The following ANO10 variants were observed in gnomAD, a reference collection of about 807,000 sequenced individuals.
ANO10 encodes the protein anoctamin-10.
In ANO10, 77 loss-of-function variants were observed where a neutral mutation model predicts 74.7. That is an observed-to-expected ratio of 1.03 (90% CI 0.86 to 1.25). ANO10 has a LOEUF of 1.25. Ranked by LOEUF, ANO10 falls within the 50% of genes most tolerant of loss-of-function variation. The probability of loss-of-function intolerance (pLI) is 0.00; values close to 1 mark genes in which losing one functional copy is unlikely to be tolerated. For synonymous variants in ANO10, 279 were observed against 284.9 expected (o/e 0.98, Z 0.21); for missense variants, 721 against 778.1 (o/e 0.93, Z 0.87).
chr3:43,576,089 C>T (rs537017622), intron 6 of ANO10, among the ~76,000 whole-genome samples: 2 of 152,326 alleles, frequency 1.3e-5, no homozygotes, highest in Admixed American at 6.5e-5. Flanking sequence ...TTTTTTACCA[C>T]AGATACATCC....
At chr3:43,683,124 A>G (rs1211889351) in intron 1 of ANO10, among the ~76,000 whole-genome samples, 1 of 152,232 alleles carries the variant, frequency 6.6e-6, no homozygotes, top group Non-Finnish European at 1.5e-5. Flanking sequence ...TCAATTAGGA[A>G]AAGAGGAAGT....
At chr3:43,470,596 T>TTTTTTTTATTTATTTA (rs1237061155) in intron 11 of ANO10, among the ~76,000 whole-genome samples, 10 of 143,962 alleles carry the variant, frequency 6.9e-5, no homozygotes, top group African/African-American at 2.3e-4. Flanking sequence ...CTGGTAATTA[T>TTTTTTTTATTTATTTA]TTTATTTATT....
chr3:43,456,748 G>A (rs1412713082), intron 11 of ANO10, among the ~76,000 whole-genome samples: 3 of 152,136 alleles, frequency 2.0e-5, no homozygotes, highest in East Asian at 1.9e-4. Context: ...ACAGATGCAG[G>A]AATTAATACA....
intron 12 of ANO10, among the ~76,000 whole-genome samples, chr3:43,375,418 A>G (rs906640739): frequency 1.3e-5 from 2 of 152,216 alleles, no homozygotes; most frequent in Non-Finnish European, 2.9e-5. Flanking sequence ...ATTGCACTCC[A>G]GCTTGGGTGA....
At chr3:43,400,679 C>T (rs957425971) in intron 12 of ANO10, among the ~76,000 whole-genome samples, 2 of 152,078 alleles carry the variant, frequency 1.3e-5, no homozygotes, top group African/African-American at 4.8e-5. Context: ...ACTTGGGAAG[C>T]TGAGGTGGGA....
chr3:43,537,614 C>T (rs1160906340), intron 11 of ANO10, among the ~76,000 whole-genome samples: 8 of 72,488 alleles, frequency 1.1e-4, no homozygotes, highest in African/African-American at 3.2e-4. Flanking sequence ...TTATAAACCA[C>T]ACACACACAC....
At chr3:43,549,073 A>G (rs1360339488) in intron 11 of ANO10, among the ~76,000 whole-genome samples, 1 of 151,098 alleles carries the variant, frequency 6.6e-6, no homozygotes, top group African/African-American at 2.4e-5. Flanking sequence ...GACTAAAAAT[A>G]CATATTAAAT....
Position 43,555,360 on chromosome 3 carries a change from T to G in ANO10, c.1586A>C (p.Glu529Ala). 1 of 1,614,190 alleles carries G rather than the reference T, an allele frequency of 6.2e-7. No individual in the cohort carries two copies. Among genetic ancestry groups the G allele is most frequent in the Non-Finnish European group, 8.5e-7 (1 of 1,180,030 alleles). Residue 529 changes from glutamate to alanine, a missense_variant, in exon 10 of 13, where the codon GAA (glutamate) becomes GCA (alanine). Transcript: ENST00000292246. ...CATTTTTAAGGCATCTGAATTTACTTCAGTGAAGTTATTTAACACAGCAAA... is the reference window on the plus strand; with the variant it reads ...CATTTTTAAGGCATCTGAATTTACTGCAGTGAAGTTATTTAACACAGCAAA... ...AAFAVLNNFT[E>A]VNSDALKMCR...
intron 7 of ANO10, among the ~76,000 whole-genome samples, chr3:43,568,660 A>C (rs1464165790): frequency 1.3e-5 from 2 of 150,542 alleles, no homozygotes; most frequent in Non-Finnish European, 2.9e-5. Context: ...ACAACATACC[A>C]GAATCTCTGG....
chr3:43,530,289 T>C (rs1317702545), intron 11 of ANO10, among the ~76,000 whole-genome samples: 2 of 151,992 alleles, frequency 1.3e-5, no homozygotes, highest in Non-Finnish European at 1.5e-5. Flanking sequence ...AGGAATACGC[T>C]ATTGAATAGA....
chr3:43,412,661 T>C (rs2092683314), intron 12 of ANO10, among the ~76,000 whole-genome samples: 1 of 152,232 alleles, frequency 6.6e-6, no homozygotes, highest in South Asian at 2.1e-4. Context: ...CTGTATTCCC[T>C]GTCTTGTTTG....
chr3:43,399,301 A>G (rs1298159482), intron 12 of ANO10, among the ~76,000 whole-genome samples: 1 of 152,218 alleles, frequency 6.6e-6, no homozygotes, highest in African/African-American at 2.4e-5. Context: ...TTAGTTGCCA[A>G]TAACGCCTTT....
intron 11 of ANO10, among the ~76,000 whole-genome samples, chr3:43,435,899 C>G (rs577310255): frequency 6.6e-6 from 1 of 152,274 alleles, no homozygotes; most frequent in African/African-American, 2.4e-5. Context: ...GGGAAGACAA[C>G]ACAGCAGAGA....
chr3:43,466,086 A>G (rs1052310624), intron 11 of ANO10, among the ~76,000 whole-genome samples: 3 of 152,110 alleles, frequency 2.0e-5, no homozygotes, highest in African/African-American at 7.2e-5. Flanking sequence ...AACAACAGTA[A>G]TTGGGCTGGG....
chr3:43,406,820 T>C (rs370577340), intron 12 of ANO10, among the ~76,000 whole-genome samples: 3 of 152,196 alleles, frequency 2.0e-5, no homozygotes, highest in African/African-American at 7.2e-5. Flanking sequence ...ACAGTGCCAG[T>C]TGATCATATG....
intron 1 of ANO10, among the ~76,000 whole-genome samples, chr3:43,631,520 A>G (rs907702838): frequency 2.0e-5 from 3 of 152,196 alleles, no homozygotes; most frequent in African/African-American, 7.2e-5. Flanking sequence ...TACTATTAGC[A>G]AAAGCCAAGT....
At chr3:43,477,943 T>C (rs1283140281) in intron 11 of ANO10, among the ~76,000 whole-genome samples, 1 of 152,204 alleles carries the variant, frequency 6.6e-6, no homozygotes, top group East Asian at 1.9e-4. Context: ...TGAGAAGTGA[T>C]TTCCCAATGG....
chr3:43,536,127 T>A (rs1362717858), intron 11 of ANO10, among the ~76,000 whole-genome samples: 4 of 152,244 alleles, frequency 2.6e-5, no homozygotes, highest in South Asian at 2.1e-4. Flanking sequence ...TATTTAAACA[T>A]TCCTGATAAA....
At chr3:43,560,540 CTG>C (rs2079979109) in intron 9 of ANO10, among the ~76,000 whole-genome samples, 1 of 152,048 alleles carries the variant, frequency 6.6e-6, no homozygotes, top group Admixed American at 6.6e-5. Flanking sequence ...AGAAAGAATA[CTG>C]TAGCAACAAG....
Sources: gnomAD v4.1 joint callset for allele counts (sites outside exome capture counted in the v4.1 genomes callset) on GRCh38, gnomAD v4.1.1 for gene constraint, MANE v1.5 for transcripts, NCBI Gene and HGNC (gene_info 2026-07-23, HGNC 2026-07-21) for gene names.